The following MORC1 variants were observed in gnomAD, a reference collection of about 807,000 sequenced individuals.
MORC1 encodes the protein MORC family CW-type zinc finger 1.
In MORC1, 59 loss-of-function variants were observed where a neutral mutation model predicts 134.9. The observed-to-expected ratio is 0.44, with a 90% CI of 0.35 to 0.54. MORC1 has a LOEUF of 0.54. Ranked by LOEUF, MORC1 falls within the 20% of genes least tolerant of loss-of-function variation. MORC1 has a pLI of 0.00. For missense variants in MORC1, 947 were observed against 1,134.5 expected, an observed-to-expected ratio of 0.83 and a Z score of 2.37; for synonymous variants, 395 against 391.7, an observed-to-expected ratio of 1.01 and a Z score of -0.10.
At chr3:108,970,333 C>T (rs950586576) in intron 25 of MORC1, among the ~76,000 whole-genome samples, 3 of 152,026 alleles carry the variant, frequency 2.0e-5, no homozygotes, top group African/African-American at 7.2e-5. Context: ...ACAGGAGCTA[C>T]ACAAAGAAGG....
chr3:109,098,493 C>T (rs1275693287), intron 6 of MORC1, among the ~76,000 whole-genome samples: 1 of 152,286 alleles, frequency 6.6e-6, no homozygotes, highest in Non-Finnish European at 1.5e-5. Context: ...AGTCCTACAC[C>T]GTCCATCCAA....
intron 14 of MORC1, among the ~76,000 whole-genome samples, chr3:109,054,125 T>C (rs1306915737): frequency 1.3e-5 from 2 of 151,754 alleles, no homozygotes; most frequent in African/African-American, 4.8e-5. Flanking sequence ...CTACTAAAAA[T>C]ACAAAAATTA....
chr3:109,020,718 T>C (rs1406432573), intron 17 of MORC1, among the ~76,000 whole-genome samples: 4 of 145,614 alleles, frequency 2.7e-5, no homozygotes, highest in African/African-American at 7.9e-5. Context: ...TGAGCCGAGT[T>C]TGCGTCACTG....
intron 12 of MORC1, among the ~76,000 whole-genome samples, chr3:109,059,204 A>C (rs567183117): frequency 6.6e-6 from 1 of 152,314 alleles, no homozygotes; most frequent in East Asian, 1.9e-4. Flanking sequence ...CAAAGGTATC[A>C]CAGCTTTCAA....
intron 24 of MORC1, among the ~76,000 whole-genome samples, chr3:108,978,445 G>A (rs1389127469): frequency 6.6e-6 from 1 of 152,166 alleles, no homozygotes; most frequent in African/African-American, 2.4e-5. Flanking sequence ...CAGGACTGGT[G>A]TTAGGCATGA....
At chr3:109,017,909 C>G (rs6780298) in intron 17 of MORC1, among the ~76,000 whole-genome samples, 64,278 of 152,072 alleles carry the variant, frequency 0.42, 14,291 homozygotes, top group Middle Eastern at 0.55. Context: ...GCAAATCACA[C>G]ACTGAATCAG....
chr3:108,979,711 T>C (rs1947660102), intron 23 of MORC1, 44 bp from the exon 24 acceptor site: 2 of 1,597,100 alleles, frequency 1.3e-6, no homozygotes, highest in Non-Finnish European at 1.7e-6. Flanking sequence ...TAGGTATTAA[T>C]AATTTCAGAA....
At position 109,062,196 on chromosome 3, in the gene MORC1, T is replaced by C. The variant is rs377212874; in HGVS notation, c.896-138A>G. 217 of 723,476 alleles carry C rather than the reference T, an allele frequency of 3.0e-4. No individual in the cohort carries two copies. The African/African-American group carries it at 3.6e-3, about 12-fold the overall frequency. 44.8% of individuals were successfully genotyped at this position (723,476 alleles called of 1,614,324 possible). A position where few individuals can be genotyped will look rare whatever the true frequency, so the allele number is the denominator to read the frequency against. ...CTGAGAAAACCCTATGTTCCTCTTA[T>C]AACTTTTACACATGTTAAATTTTCC... On this transcript the variant is annotated intron_variant, in intron 10 of 27. Transcript: ENST00000232603.
rs1304784277 is a variant in MORC1 at position 109,027,935 on chromosome 3, A to C, written c.1566-46T>G. 2.5e-6 allele frequency: 4 copies of C among 1,587,588 alleles called. No homozygotes were observed. In the Admixed American group the frequency reaches 5.3e-5, roughly 21 times the overall value. ...AGATTAACATCAGGAGAAATATAAA[A>C]CTACTTACTGTCTGTAAAAGACGAT... is the stretch of plus-strand genomic sequence containing the variant. On this transcript the variant is annotated intron_variant, in intron 16 of 27. Transcript: ENST00000232603.
intron 9 of MORC1, among the ~76,000 whole-genome samples, chr3:109,067,572 A>G (rs1346879441): frequency 6.6e-6 from 1 of 152,152 alleles, no homozygotes; most frequent in Non-Finnish European, 1.5e-5. Flanking sequence ...GACTTAAACT[A>G]TTTTTTACCC....
chr3:109,015,187 A>G (rs1031831703), intron 17 of MORC1, among the ~76,000 whole-genome samples: 4 of 152,034 alleles, frequency 2.6e-5, no homozygotes, highest in East Asian at 1.9e-4. Flanking sequence ...CCCAGCCCCA[A>G]ATGAAACGTT....
intron 26 of MORC1, among the ~76,000 whole-genome samples, chr3:108,964,851 A>G (rs1188197264): frequency 6.6e-6 from 1 of 152,200 alleles, no homozygotes; most frequent in East Asian, 1.9e-4. Flanking sequence ...CACTCACAGC[A>G]AGGGAATTTC....
At chr3:109,014,411 C>T (rs188844383) in intron 17 of MORC1, among the ~76,000 whole-genome samples, 10 of 152,252 alleles carry the variant, frequency 6.6e-5, no homozygotes, top group Middle Eastern at 3.4e-3. Flanking sequence ...CACTGCTCAC[C>T]TCTTTCATAG....
intron 22 of MORC1, among the ~76,000 whole-genome samples, chr3:108,985,202 G>A (rs565997197): frequency 1.5e-3 from 230 of 152,268 alleles, no homozygotes; most frequent in African/African-American, 5.4e-3. Flanking sequence ...TCTCCAGTAG[G>A]AAAGTGAACT....
At chr3:109,018,492 T>C (rs1948871537) in intron 17 of MORC1, among the ~76,000 whole-genome samples, 1 of 151,600 alleles carries the variant, frequency 6.6e-6, no homozygotes, top group Non-Finnish European at 1.5e-5. Flanking sequence ...CAGAGATCTG[T>C]TTATATTCCA....
chr3:109,072,339 C>T (rs1950336687), intron 8 of MORC1, among the ~76,000 whole-genome samples: 1 of 152,124 alleles, frequency 6.6e-6, no homozygotes, highest in Non-Finnish European at 1.5e-5. Flanking sequence ...TTTCACCCTG[C>T]GGTATACAAC....
intron 17 of MORC1, among the ~76,000 whole-genome samples, chr3:109,008,639 T>C (rs1948608446): frequency 6.6e-6 from 1 of 151,084 alleles, no homozygotes; most frequent in South Asian, 2.1e-4. Flanking sequence ...ATTTTATCCT[T>C]TACTTTTATA....
rs772164841 is a variant in MORC1 at position 109,059,838 on chromosome 3, T to G, written c.999A>C (p.Glu333Asp). 6.2e-7 allele frequency: 1 copy of G among 1,612,868 alleles called. No homozygotes were observed. The highest frequency in any genetic ancestry group is 1.7e-5 in the Admixed American group (1 of 59,896). The change falls in exon 12 of 28, where the codon GAA becomes GAC. Residue 333 changes from glutamate to aspartate, a missense_variant. By Grantham distance (45) the Glu-to-Asp change is conservative. Transcript: ENST00000232603. ...TCTCTTTAAGATTCTTTTGCTTTGC[T>G]TCTACATCTTCCAAAGCTCTCTGTA... is the stretch of plus-strand genomic sequence containing the variant. The part of the protein sequence containing the change: ...DVLQRALEDV[E>D]AKQKNLKEKQ...
chr3:109,026,184 T>A (rs1387554909), intron 17 of MORC1, among the ~76,000 whole-genome samples: 1 of 152,156 alleles, frequency 6.6e-6, no homozygotes. Flanking sequence ...ATGTTAGGAA[T>A]CTTTTCACAA....
Sources: gnomAD v4.1 joint callset for allele counts (sites outside exome capture counted in the v4.1 genomes callset) on GRCh38, gnomAD v4.1.1 for gene constraint, MANE v1.5 for transcripts, NCBI Gene and HGNC (gene_info 2026-07-23, HGNC 2026-07-21) for gene names.